MEGF6: variants seen among roughly 807,000 people sequenced by gnomAD.
MEGF6 encodes the protein multiple EGF like domains 6.
MEGF6 carries 184 observed loss-of-function variants against 207.1 expected under a neutral mutation model. The ratio of observed to expected loss-of-function variants is 0.89; its 90% CI spans 0.79 to 1.00. The LOEUF is 1.00. Ranked by LOEUF, MEGF6 falls within the 50% of genes least tolerant of loss-of-function variation. MEGF6 has a pLI of 0.00. For synonymous variants in MEGF6, 1,038 were observed against 910.0 expected, an observed-to-expected ratio of 1.14 and a Z score of -2.53; for missense variants, 2,282 against 2,202.9, an observed-to-expected ratio of 1.04 and a Z score of -0.72.
At chr1:3,509,694 C>T (rs1285725193) in intron 11 of MEGF6, among the ~76,000 whole-genome samples, 176 bp downstream of exon 11, 1 of 152,240 alleles carries the variant, frequency 6.6e-6, no homozygotes, top group Non-Finnish European at 1.5e-5. Context: ...GAGGCAGGAC[C>T]TCAGTGGGTC....
intron 4 of MEGF6, among the ~76,000 whole-genome samples, chr1:3,541,855 G>T (rs1454873211): frequency 6.6e-6 from 1 of 152,250 alleles, no homozygotes; most frequent in African/African-American, 2.4e-5. Context: ...GGTGGTCCCT[G>T]CTACCCTGAG....
intron 4 of MEGF6, among the ~76,000 whole-genome samples, chr1:3,536,283 T>C (rs1481885722): frequency 1.3e-5 from 2 of 152,182 alleles, no homozygotes; most frequent in African/African-American, 4.8e-5. Flanking sequence ...CTCATTCATT[T>C]AGTTTTTTAT....
At chr1:3,505,613 C>G (rs1037220659) in intron 15 of MEGF6, 57 bp from the exon 16 acceptor site, 2 of 1,484,812 alleles carry the variant, frequency 1.3e-6, no homozygotes, top group African/African-American at 1.4e-5. Context: ...CCTCCCAGAC[C>G]GCTTCCACCA....
intron 1 of MEGF6, among the ~76,000 whole-genome samples, chr1:3,604,769 C>T (rs1311679617): frequency 6.6e-6 from 1 of 152,160 alleles, no homozygotes; most frequent in African/African-American, 2.4e-5. Context: ...CCACCTTCCC[C>T]CAGCACTGTT....
chr1:3,496,127 T>C, intron 29 of MEGF6, 109 bp from the exon 30 acceptor site: 1 of 1,400,178 alleles, frequency 7.1e-7, no homozygotes, highest in Non-Finnish European at 9.3e-7. Context: ...ACCCTGGGTC[T>C]GCCCCAGACA....
At chr1:3,622,396 C>A in the MEGF6 span, among the ~76,000 whole-genome samples, 1 of 152,208 alleles carries the variant, frequency 6.6e-6, no homozygotes, top group African/African-American at 2.4e-5. Context: ...TTCCTAAGGT[C>A]TCCCCAGTCA....
At position 3,489,864 on chromosome 1, in the gene MEGF6, C is replaced by T. The variant is rs547575947; in HGVS notation, c.*664G>A. The T allele has an allele frequency of 6.6e-6, 1 of 152,414 alleles. No homozygotes were observed. The highest frequency in any genetic ancestry group is 1.5e-5 in the Non-Finnish European group (1 of 68,092). 9.4% of individuals were successfully genotyped at this position (152,414 alleles called of 1,614,324 possible). On this transcript the variant is annotated 3_prime_UTR_variant, in exon 37 of 37. Coordinates refer to ENST00000356575, the MANE Select transcript of MEGF6 (RefSeq NM_001409.4). The stretch of plus-strand genomic sequence containing the variant: ...GGGTGCACCGTTATGCTGGCCGGGC[C>T]CCAGGGAGGAGCCCACACAGAGTCC...
At chr1:3,609,307 C>T (rs1304035390) in intron 1 of MEGF6, among the ~76,000 whole-genome samples, 1 of 152,200 alleles carries the variant, frequency 6.6e-6, no homozygotes, top group Non-Finnish European at 1.5e-5. Context: ...GGGACCTCTC[C>T]AGGGTCCAGC....
intron 4 of MEGF6, among the ~76,000 whole-genome samples, chr1:3,525,813 G>A (rs1329584074): frequency 6.6e-6 from 1 of 152,248 alleles, no homozygotes; most frequent in East Asian, 1.9e-4. Flanking sequence ...AAGCACAGAT[G>A]TGCAGATGGC....
chr1:3,610,342 A>T (rs779947406), intron 1 of MEGF6, among the ~76,000 whole-genome samples: 1 of 152,192 alleles, frequency 6.6e-6, no homozygotes, highest in East Asian at 1.9e-4. Context: ...GGACGGGAAC[A>T]GCCTGAGGGC....
chr1:3,586,603 A>T (rs569682364), intron 3 of MEGF6, among the ~76,000 whole-genome samples: 7 of 152,250 alleles, frequency 4.6e-5, no homozygotes, highest in South Asian at 4.1e-4. Flanking sequence ...CATGGAGGAA[A>T]AGGGAGCCCA....
chr1:3,521,162 G>A (rs915611267), intron 5 of MEGF6, among the ~76,000 whole-genome samples: 1 of 152,146 alleles, frequency 6.6e-6, no homozygotes, highest in Non-Finnish European at 1.5e-5. Context: ...GGGCTCCACG[G>A]CAGCCCCAGG....
chr1:3,519,631 G>A (rs545159012), intron 5 of MEGF6, among the ~76,000 whole-genome samples: 4 of 152,336 alleles, frequency 2.6e-5, no homozygotes, highest in African/African-American at 4.8e-5. Context: ...GGTCTATATC[G>A]ACAGGGCAGC....
At chr1:3,516,954 C>G (rs986262754) in intron 5 of MEGF6, among the ~76,000 whole-genome samples, 1 of 152,200 alleles carries the variant, frequency 6.6e-6, no homozygotes, top group Non-Finnish European at 1.5e-5. Flanking sequence ...CTGAGCCCCT[C>G]GCCCCATCCA....
rs573432327 is a variant in MEGF6, at chr1:3,580,469, G to A, written c.377-540C>T. Reference sequence around the variant, plus strand: ...AGGTGGGGAGCCAAGTGTTGACAGCGGCTGCCCTGGGGCTCCCCAGGGAAA... The same window carrying A: ...AGGTGGGGAGCCAAGTGTTGACAGCAGCTGCCCTGGGGCTCCCCAGGGAAA... On this transcript the variant is annotated intron_variant, in intron 3 of 36. Transcript: ENST00000356575. Among the ~76,000 whole-genome samples, 379 of 152,322 alleles carry A rather than the reference G, an allele frequency of 2.5e-3. 2 individuals are homozygous for A. Among genetic ancestry groups the A allele is most frequent in the African/African-American group, 8.7e-3 (363 of 41,574 alleles).
At position 3,565,843 on chromosome 1, in the gene MEGF6, G is replaced by A. The variant is rs531055479; in HGVS notation, c.481+13982C>T. On this transcript the variant is annotated intron_variant, in intron 4 of 36. Transcript: ENST00000356575. The surrounding 1 kb of genome is among the most constrained non-coding windows in gnomAD (Gnocchi z 4.8). Reference sequence around the variant, plus strand: ...CTGCTCCAGCCACGCTCGGCATTCCGTCCAGGGCAGGCACTGTGGACCCTG... The same window carrying A: ...CTGCTCCAGCCACGCTCGGCATTCCATCCAGGGCAGGCACTGTGGACCCTG... Among the ~76,000 whole-genome samples the A allele has an allele frequency of 1.3e-5, 2 of 152,146 alleles. No homozygotes were observed. The highest frequency in any genetic ancestry group is 2.4e-5 in the African/African-American group (1 of 41,426).
intron 4 of MEGF6, among the ~76,000 whole-genome samples, chr1:3,558,257 C>T (rs1353445694): frequency 6.6e-6 from 1 of 152,206 alleles, no homozygotes; most frequent in African/African-American, 2.4e-5. Flanking sequence ...TCTCTCGTCC[C>T]CTCCTCTCTC....
rs542704798 is a variant in MEGF6 at position 3,606,382 on chromosome 1, C to T, written c.132-3782G>A. ...CTGGAGCACACTCAAGCTTGTAACC[C>T]CAGGCCTAGCGGTTTGAAGCAAGGT... On this transcript the variant is annotated intron_variant, in intron 1 of 36. Coordinates refer to ENST00000356575, the MANE Select transcript of MEGF6 (RefSeq NM_001409.4). Among the ~76,000 whole-genome samples the T allele has an allele frequency of 3.3e-5, 5 of 152,334 alleles. No homozygotes were observed. In the South Asian group the frequency reaches 1.0e-3, roughly 32 times the overall value.
At chr1:3,505,655 C>A in intron 15 of MEGF6, 99 bp from the exon 16 acceptor site, 1 of 1,418,182 alleles carries the variant, frequency 7.1e-7, no homozygotes, top group Non-Finnish European at 9.3e-7. Context: ...CAGCCAAGAT[C>A]ATGTAGGGAG....
Sources: allele counts gnomAD v4.1 joint callset (sites outside exome capture counted in the v4.1 genomes callset), GRCh38; gene constraint gnomAD v4.1.1; non-coding constraint Gnocchi (gnomAD v3.1); transcripts MANE v1.5; gene names NCBI Gene and HGNC (gene_info 2026-07-23, HGNC 2026-07-21).